The following NAALADL2 variants were observed in gnomAD, a reference collection of about 807,000 sequenced individuals.
NAALADL2 encodes inactive N-acetylated-alpha-linked acidic dipeptidase-like protein 2.
NAALADL2 carries 76 observed loss-of-function variants against 87.2 expected under a neutral mutation model. That is an observed-to-expected ratio of 0.87 (90% CI 0.72 to 1.05). NAALADL2 has a LOEUF of 1.05. NAALADL2 is among the 50% of genes least tolerant of loss of function. The probability of loss-of-function intolerance (pLI) is 0.00; values close to 1 mark genes in which losing one functional copy is unlikely to be tolerated. For missense variants in NAALADL2, 1,089 were observed against 945.8 expected (o/e 1.15, Z -1.99); for synonymous variants, 354 against 331.0 (o/e 1.07, Z -0.75).
At chr3:175,709,044 T>C (rs963907517) in intron 11 of NAALADL2, among the ~76,000 whole-genome samples, 2 of 151,990 alleles carry the variant, frequency 1.3e-5, no homozygotes, top group African/African-American at 4.8e-5. Context: ...GAGAGTTGGG[T>C]TCTTGGGGTG....
intron 1 of NAALADL2, among the ~76,000 whole-genome samples, chr3:175,014,929 C>T (rs1287492181): frequency 6.6e-6 from 1 of 151,966 alleles, no homozygotes; most frequent in Non-Finnish European, 1.5e-5. Flanking sequence ...TTGCTTTTCA[C>T]ATATGGCTTA....
intron 1 of NAALADL2, among the ~76,000 whole-genome samples, chr3:175,037,475 C>T (rs188600730): frequency 2.2e-4 from 33 of 152,240 alleles, no homozygotes; most frequent in Non-Finnish European, 4.1e-4. Context: ...CCCATGTTCT[C>T]ACAGTTTGGG....
chr3:175,033,595 C>A (rs1047954091), intron 1 of NAALADL2, among the ~76,000 whole-genome samples: 2 of 152,080 alleles, frequency 1.3e-5, no homozygotes, highest in African/African-American at 4.8e-5. Context: ...TCATGTAATT[C>A]AATCTATCAG....
chr3:175,236,588 T>C (rs1581052975), intron 3 of NAALADL2, among the ~76,000 whole-genome samples: 2 of 147,686 alleles, frequency 1.4e-5, no homozygotes, highest in Non-Finnish European at 3.0e-5. Flanking sequence ...CGGGGGTGGG[T>C]ATATTAACAG....
rs1560090682 is a variant in NAALADL2, at chr3:175,148,128, T to TAATAATAATAA, written c.545+50847_545+50848insAAATAATAATA. ...AATAATAATAATAATAATAATAAAA[T>TAATAATAATAA]AATAATAATAGCCATTCTGACTGGT... On this transcript the variant is annotated intron_variant, in intron 2 of 13. Transcript: ENST00000454872. 1.6e-4 allele frequency among the ~76,000 whole-genome samples: 21 copies of TAATAATAATAA among 131,806 alleles called. No homozygotes were observed. The East Asian group carries it at 1.8e-3, about 12-fold the overall frequency. 86.5% of individuals were successfully genotyped at this position (131,806 alleles called of 152,430 possible).
chr3:174,910,226 A>G (rs968702966), intron 1 of NAALADL2, among the ~76,000 whole-genome samples: 2 of 150,958 alleles, frequency 1.3e-5, no homozygotes, highest in African/African-American at 4.8e-5. Flanking sequence ...TGAAGAGTAA[A>G]GTAAACATTA....
intron 1 of NAALADL2, among the ~76,000 whole-genome samples, chr3:174,927,559 C>G (rs924893201): frequency 1.3e-5 from 2 of 152,148 alleles, no homozygotes; most frequent in African/African-American, 4.8e-5. Flanking sequence ...GAAACTTACT[C>G]AAAACTACTC....
intron 3 of NAALADL2, among the ~76,000 whole-genome samples, chr3:175,253,099 G>A (rs1050531077): frequency 2.6e-5 from 4 of 152,166 alleles, no homozygotes; most frequent in Non-Finnish European, 4.4e-5. Flanking sequence ...GAGATTTTCC[G>A]TGTAGACAAA....
intron 1 of NAALADL2, among the ~76,000 whole-genome samples, chr3:174,976,555 T>C (rs542039716): frequency 6.6e-6 from 1 of 152,342 alleles, no homozygotes; most frequent in African/African-American, 2.4e-5. Context: ...TACAGTTTAA[T>C]TTAATAGAAT....
chr3:175,045,774 G>A (rs1754590422), intron 1 of NAALADL2, among the ~76,000 whole-genome samples: 1 of 152,142 alleles, frequency 6.6e-6, no homozygotes, highest in South Asian at 2.1e-4. Flanking sequence ...AGATGGATAT[G>A]AAGCATGCCT....
At chr3:175,183,992 GC>G (rs34248670) in intron 2 of NAALADL2, among the ~76,000 whole-genome samples, 47,966 of 151,798 alleles carry the variant, frequency 0.32, 7,717 homozygotes, top group South Asian at 0.36. Flanking sequence ...TATTTTTCAA[GC>G]CCTTCAGCTT....
chr3:174,450,972 C>T (rs1715442956), intron 1 of NAALADL2, among the ~76,000 whole-genome samples: 2 of 150,676 alleles, frequency 1.3e-5, no homozygotes, highest in Admixed American at 1.3e-4. Flanking sequence ...TATGAGACAA[C>T]TGAGTCAATT....
At chr3:174,784,927 G>A (rs985718569) in intron 3 of NAALADL2, among the ~76,000 whole-genome samples, 3 of 152,142 alleles carry the variant, frequency 2.0e-5, no homozygotes, top group African/African-American at 7.2e-5. Context: ...TCAGACTGTA[G>A]TAAAGAGCAG....
intron 4 of NAALADL2, among the ~76,000 whole-genome samples, chr3:175,323,545 A>G (rs1760228430): frequency 1.3e-5 from 2 of 152,126 alleles, no homozygotes; most frequent in African/African-American, 4.8e-5. Context: ...CAAAAAAAGT[A>G]GAAAGTTAAA....
intron 5 of NAALADL2, among the ~76,000 whole-genome samples, chr3:175,358,184 G>A (rs953842151): frequency 2.0e-5 from 3 of 151,954 alleles, no homozygotes; most frequent in African/African-American, 4.8e-5. Flanking sequence ...CCCACTTGTG[G>A]GCTTACTGTC....
chr3:175,119,119 G>A (rs1377230948), intron 2 of NAALADL2, among the ~76,000 whole-genome samples: 1 of 151,048 alleles, frequency 6.6e-6, no homozygotes, highest in Non-Finnish European at 1.5e-5. Flanking sequence ...AAATATTGAG[G>A]CACAAGAAAT....
At chr3:175,092,175 C>G (rs1349008739) in intron 1 of NAALADL2, among the ~76,000 whole-genome samples, 1 of 150,316 alleles carries the variant, frequency 6.7e-6, no homozygotes, top group Non-Finnish European at 1.5e-5. Context: ...TTCTGTTTGA[C>G]AAATGTGAAA....
chr3:174,580,454 C>T (rs537636009), intron 2 of NAALADL2, among the ~76,000 whole-genome samples: 6 of 152,060 alleles, frequency 3.9e-5, no homozygotes, highest in Admixed American at 3.3e-4. Flanking sequence ...TTAAAGTGTA[C>T]AATTGTGCAG....
chr3:174,601,074 C>A (rs900604066), intron 2 of NAALADL2, among the ~76,000 whole-genome samples: 3 of 152,114 alleles, frequency 2.0e-5, no homozygotes, highest in African/African-American at 7.2e-5. Context: ...TTCAAACAAT[C>A]CAATTATACT....
Sources: allele counts gnomAD v4.1 joint callset (sites outside exome capture counted in the v4.1 genomes callset), GRCh38; gene constraint gnomAD v4.1.1; transcripts MANE v1.5; gene names NCBI Gene and HGNC (gene_info 2026-07-23, HGNC 2026-07-21).